The following MRTFA variants were observed in gnomAD, a reference collection of about 807,000 sequenced individuals.
The protein encoded by MRTFA is myocardin related transcription factor A.
Under a neutral mutation model 83.5 loss-of-function variants are expected in MRTFA, and 20 were observed. The ratio of observed to expected loss-of-function variants is 0.24; its 90% confidence interval spans 0.17 to 0.35. The LOEUF is 0.35. MRTFA is among the 10% of genes least tolerant of loss of function. The pLI is 1.00. For missense variants in MRTFA, 1,200 were observed against 1,224.7 expected (o/e 0.98, Z 0.30); for synonymous variants, 659 against 541.2 (o/e 1.22, Z -3.02).
chr22:40,544,097 G>A lies in MRTFA; in HGVS notation c.241+8009C>T, dbSNP rs572999772. Among the ~76,000 whole-genome samples, 16 of 151,980 alleles carry A rather than the reference G, an allele frequency of 1.1e-4. 1 individual carries two copies. In the South Asian group the frequency reaches 2.5e-3, roughly 24 times the overall value. Reference sequence around the variant, plus strand: ...GGAAAGAAGAGTATTTTCAATAAACGGAATCCACTTGAAAAAAAATTAACT... The same window carrying A: ...GGAAAGAAGAGTATTTTCAATAAACAGAATCCACTTGAAAAAAAATTAACT... On this transcript the variant is annotated intron_variant, in intron 3 of 14. Coordinates refer to ENST00000355630, the MANE Select transcript of MRTFA (RefSeq NM_020831.6).
intron 3 of MRTFA, among the ~76,000 whole-genome samples, chr22:40,501,798 G>T (rs1259303452): frequency 1.5e-5 from 1 of 65,078 alleles, no homozygotes; most frequent in East Asian, 6.0e-4. Flanking sequence ...GGCTGGCCGG[G>T]TGGAGGGCTG....
chr22:40,628,329 A>T (rs2056603846), intron 1 of MRTFA, among the ~76,000 whole-genome samples: 1 of 152,170 alleles, frequency 6.6e-6, no homozygotes, highest in Non-Finnish European at 1.5e-5. Flanking sequence ...ACCTCACTGG[A>T]TATTTTACTC....
At chr22:40,454,146 G>A (rs1338427685) in intron 4 of MRTFA, among the ~76,000 whole-genome samples, 1 of 152,124 alleles carries the variant, frequency 6.6e-6, no homozygotes, top group Non-Finnish European at 1.5e-5. Context: ...TTTGGGTGGG[G>A]GTGTGAGGGA....
intron 3 of MRTFA, among the ~76,000 whole-genome samples, chr22:40,466,407 C>T (rs1431878552): frequency 1.3e-5 from 2 of 152,184 alleles, no homozygotes; most frequent in African/African-American, 2.4e-5. Context: ...AGTTTGCCTT[C>T]TGTCACACAG....
chr22:40,535,197 G>A (rs921035037), intron 3 of MRTFA, among the ~76,000 whole-genome samples: 1 of 151,986 alleles, frequency 6.6e-6, no homozygotes. Context: ...AACTGACTTA[G>A]GAAAAACGGG....
chr22:40,527,133 C>G (rs1602386152), intron 3 of MRTFA, among the ~76,000 whole-genome samples: 1 of 139,352 alleles, frequency 7.2e-6, no homozygotes, highest in African/African-American at 2.7e-5. Flanking sequence ...CTCAAAGATA[C>G]ACACACACAC....
intron 2 of MRTFA, among the ~76,000 whole-genome samples, chr22:40,574,381 C>A (rs546423764): frequency 1.3e-5 from 2 of 152,044 alleles, no homozygotes; most frequent in East Asian, 3.9e-4. Context: ...TACCATTATT[C>A]CCCAAACAAT....
chr22:40,488,495 C>A (rs567685099), intron 3 of MRTFA, among the ~76,000 whole-genome samples: 4 of 152,096 alleles, frequency 2.6e-5, no homozygotes, highest in African/African-American at 9.6e-5. Flanking sequence ...CCAGCCTGGG[C>A]GACACGGTGA....
chr22:40,534,199 G>T (rs550517409), intron 3 of MRTFA, among the ~76,000 whole-genome samples: 35 of 152,256 alleles, frequency 2.3e-4, no homozygotes, highest in African/African-American at 8.2e-4. Context: ...TTCTGAAAAA[G>T]AATTCCAACG....
chr22:40,539,346 T>TTTTTTTTTTTTGAGACAGAA lies in MRTFA; in HGVS notation c.241+12740_241+12759dup, dbSNP rs2055247693. On this transcript the variant is annotated intron_variant, in intron 3 of 14. Transcript: ENST00000355630. ...TTTTGGCAGTTATTAACAATTTTTT[T>TTTTTTTTTTTTGAGACAGAA]TTTTTTTTTTTGAGACAGAATCTTG... Among the ~76,000 whole-genome samples the TTTTTTTTTTTTGAGACAGAA allele has an allele frequency of 2.6e-5, 4 of 151,126 alleles. No homozygotes were observed. The East Asian group carries it at 7.8e-4, about 30-fold the overall frequency.
chr22:40,500,109 T>G (rs1231801402), intron 3 of MRTFA, among the ~76,000 whole-genome samples: 1 of 151,434 alleles, frequency 6.6e-6, no homozygotes, highest in East Asian at 1.9e-4. Flanking sequence ...TTTTGTATTT[T>G]TAGTAGAGAT....
chr22:40,620,912 T>C (rs1011002453), intron 1 of MRTFA, among the ~76,000 whole-genome samples: 45 of 152,150 alleles, frequency 3.0e-4, no homozygotes, highest in Non-Finnish European at 1.0e-4. Context: ...CTGGATGTGG[T>C]AGCTCACGTC....
At chr22:40,487,969 GAAGA>G (rs558709949) in intron 3 of MRTFA, among the ~76,000 whole-genome samples, 49 of 152,214 alleles carry the variant, frequency 3.2e-4, no homozygotes, top group African/African-American at 1.2e-3. Flanking sequence ...GAGAAAAAAA[GAAGA>G]AAGAAAAACT....
Position 40,417,476 on chromosome 22 carries a change from G to A in MRTFA, c.2382C>T (p.Gly794=), listed in dbSNP as rs1236553486. The A allele has an allele frequency of 6.7e-7, 1 of 1,491,006 alleles. No individual in the cohort carries two copies. Among genetic ancestry groups the A allele is most frequent in the Non-Finnish European group, 9.0e-7 (1 of 1,107,488 alleles). The allele number at this position is 1,491,006 out of a possible 1,614,324, so 92.4% of individuals were successfully genotyped here. Residue 794 remains glycine (G), a synonymous_variant, in exon 13 of 15, where the codon GGC becomes GGT. Transcript: ENST00000355630. ...GGGCAGAGGGGGCAGGCGCTGGAGAGCCAGGCTGGGACGAGGGCTGGACAG... is the reference window on the plus strand; with the variant it reads ...GGGCAGAGGGGGCAGGCGCTGGAGAACCAGGCTGGGACGAGGGCTGGACAG...
chr22:40,604,908 T>A (rs1017307208), intron 1 of MRTFA, among the ~76,000 whole-genome samples: 2 of 152,186 alleles, frequency 1.3e-5, no homozygotes, highest in Non-Finnish European at 2.9e-5. Context: ...GTTGAATGAA[T>A]GAGGCAAGTA....
chr22:40,563,096 C>A (rs1415185949), intron 2 of MRTFA, among the ~76,000 whole-genome samples: 1 of 152,156 alleles, frequency 6.6e-6, no homozygotes, highest in Non-Finnish European at 1.5e-5. Flanking sequence ...TCTTCAATTA[C>A]AACAGTACCG....
At chr22:40,479,982 CTT>C (rs1471646367) in intron 3 of MRTFA, among the ~76,000 whole-genome samples, 1 of 152,124 alleles carries the variant, frequency 6.6e-6, no homozygotes, top group African/African-American at 2.4e-5. Flanking sequence ...GAAAATCTAA[CTT>C]AAGTTATTAA....
At chr22:40,630,681 G>A (rs560955068) in intron 1 of MRTFA, among the ~76,000 whole-genome samples, 25 of 152,306 alleles carry the variant, frequency 1.6e-4, no homozygotes, top group Non-Finnish European at 3.2e-4. Flanking sequence ...TCCAGATTTA[G>A]AAGTTTCTTA....
At chr22:40,476,755 A>G (rs1047696125) in intron 3 of MRTFA, among the ~76,000 whole-genome samples, 1 of 152,010 alleles carries the variant, frequency 6.6e-6, no homozygotes, top group African/African-American at 2.4e-5. Context: ...CAGCCTAAAC[A>G]CTAAGTTTCT....
Sources: gnomAD v4.1 joint callset for allele counts (sites outside exome capture counted in the v4.1 genomes callset) on GRCh38, gnomAD v4.1.1 for gene constraint, MANE v1.5 for transcripts, NCBI Gene and HGNC (gene_info 2026-07-23, HGNC 2026-07-21) for gene names.